CAMTA1: variants seen among roughly 807,000 people sequenced by gnomAD.
CAMTA1 encodes calmodulin-binding transcription activator 1.
CAMTA1 carries 27 observed loss-of-function variants against 170.9 expected under a neutral mutation model. The observed-to-expected ratio is 0.16, with a 90% CI of 0.12 to 0.22. CAMTA1 has a LOEUF of 0.22. Ranked by LOEUF, CAMTA1 falls within the 10% of genes least tolerant of loss-of-function variation. The pLI, the probability that CAMTA1 is intolerant of heterozygous loss-of-function variation, is 1.00. For missense variants in CAMTA1, 1,619 were observed against 2,217.2 expected (o/e 0.73, Z 5.42); for synonymous variants, 833 against 891.5 (o/e 0.93, Z 1.17).
At chr1:6,990,795 C>CTG (rs1696234161) in intron 3 of CAMTA1, among the ~76,000 whole-genome samples, 2 of 128,224 alleles carry the variant, frequency 1.6e-5, no homozygotes, top group South Asian at 4.9e-4. Flanking sequence ...GTCTCTCTCT[C>CTG]TCTCTCTCTC....
intron 6 of CAMTA1, among the ~76,000 whole-genome samples, chr1:7,615,165 G>A (rs1215112176): frequency 6.6e-6 from 1 of 152,226 alleles, no homozygotes; most frequent in Non-Finnish European, 1.5e-5. Flanking sequence ...CCATCTTAAA[G>A]GGCAAGGTCA....
intron 3 of CAMTA1, among the ~76,000 whole-genome samples, chr1:6,924,407 C>T (rs1202653400): frequency 6.6e-6 from 1 of 152,130 alleles, no homozygotes; most frequent in Non-Finnish European, 1.5e-5. Flanking sequence ...CAGCCTCCTG[C>T]AGGGTCCTGG....
intron 3 of CAMTA1, among the ~76,000 whole-genome samples, chr1:6,997,900 C>T (rs1697568078): frequency 2.0e-5 from 3 of 151,976 alleles, no homozygotes; most frequent in African/African-American, 7.3e-5. Flanking sequence ...CTCAGGTGAT[C>T]CGCCCTCCTT....
chr1:7,438,336 C>G (rs2092412861), intron 5 of CAMTA1, among the ~76,000 whole-genome samples: 1 of 152,168 alleles, frequency 6.6e-6, no homozygotes, highest in East Asian at 1.9e-4. Flanking sequence ...CCAGATACAG[C>G]TTTCTTTGGA....
chr1:6,866,916 A>G (rs1019914930), intron 3 of CAMTA1, among the ~76,000 whole-genome samples: 3 of 152,364 alleles, frequency 2.0e-5, no homozygotes, highest in South Asian at 2.1e-4. Flanking sequence ...CAAGAAGACA[A>G]GCAGCTCAGG....
chr1:7,450,088 C>T (rs2092787204), intron 5 of CAMTA1, among the ~76,000 whole-genome samples: 1 of 152,166 alleles, frequency 6.6e-6, no homozygotes, highest in Admixed American at 6.5e-5. Context: ...AGGGATGCGG[C>T]CCCCTTGGGG....
intron 22 of CAMTA1, among the ~76,000 whole-genome samples, chr1:7,764,277 C>T (rs1169282893): frequency 6.6e-6 from 1 of 151,968 alleles, no homozygotes; most frequent in African/African-American, 2.4e-5. Flanking sequence ...TCTAACTGTG[C>T]CTGTTAACAA....
intron 6 of CAMTA1, among the ~76,000 whole-genome samples, chr1:7,542,208 C>T (rs1286781251): frequency 1.3e-5 from 2 of 152,068 alleles, no homozygotes; most frequent in Non-Finnish European, 2.9e-5. Context: ...CACCTATAAT[C>T]CCATCACCCA....
chr1:7,489,763 G>T (rs2149686399), intron 6 of CAMTA1, among the ~76,000 whole-genome samples: 1 of 152,336 alleles, frequency 6.6e-6, no homozygotes, highest in South Asian at 2.1e-4. Context: ...TTCCTGTCCA[G>T]CCCTCCACAA....
chr1:7,626,606 G>C (rs915744115), intron 6 of CAMTA1, among the ~76,000 whole-genome samples: 2 of 152,210 alleles, frequency 1.3e-5, no homozygotes, highest in South Asian at 4.1e-4. Flanking sequence ...AGCGAGGGAG[G>C]TGTAATCATT....
At chr1:7,615,460 C>T (rs2095552995) in intron 6 of CAMTA1, among the ~76,000 whole-genome samples, 1 of 152,222 alleles carries the variant, frequency 6.6e-6, no homozygotes, top group Admixed American at 6.5e-5. Flanking sequence ...ATCTTCTGAA[C>T]ATCAGTTTTC....
chr1:7,205,020 G>T (rs184158396), intron 4 of CAMTA1, among the ~76,000 whole-genome samples: 3 of 151,568 alleles, frequency 2.0e-5, no homozygotes, highest in African/African-American at 7.3e-5. Flanking sequence ...TAGTAGAGAC[G>T]GGGTTTCACC....
At chr1:7,531,532 C>G (rs1162595722) in intron 6 of CAMTA1, among the ~76,000 whole-genome samples, 1 of 152,164 alleles carries the variant, frequency 6.6e-6, no homozygotes, top group African/African-American at 2.4e-5. Context: ...ACCCCAAGTC[C>G]AGGAAGGAGA....
At chr1:6,890,544 C>T (rs1193335252) in intron 3 of CAMTA1, among the ~76,000 whole-genome samples, 1 of 151,890 alleles carries the variant, frequency 6.6e-6, no homozygotes, top group Non-Finnish European at 1.5e-5. Flanking sequence ...CCCACCTTGC[C>T]CACTTAGGCT....
intron 6 of CAMTA1, among the ~76,000 whole-genome samples, chr1:7,613,347 A>G (rs2095536487): frequency 6.6e-6 from 1 of 152,110 alleles, no homozygotes; most frequent in African/African-American, 2.4e-5. Flanking sequence ...TGGACAGACA[A>G]GTAGGGAGGA....
chr1:6,885,567 G>T (rs770072809), intron 3 of CAMTA1, among the ~76,000 whole-genome samples: 7 of 152,206 alleles, frequency 4.6e-5, no homozygotes, highest in Non-Finnish European at 1.0e-4. Flanking sequence ...TCTGCAGTAG[G>T]CAAGCCTTTG....
intron 6 of CAMTA1, among the ~76,000 whole-genome samples, chr1:7,556,681 C>T (rs931061915): frequency 3.3e-5 from 5 of 152,254 alleles, no homozygotes; most frequent in Admixed American, 2.0e-4. Context: ...GTGGAATGCA[C>T]TCAATTCGTC....
Position 7,665,264 on chromosome 1 carries a change from C to A in CAMTA1, c.2652+65C>A. On this transcript the variant is annotated intron_variant, in intron 9 of 22. Transcript: ENST00000303635. The surrounding 1 kb of genome is among the most constrained non-coding windows in gnomAD (Gnocchi z 4.3). ...CCACCCACCTCGCCAGCCCCTGCGC[C>A]ACCCTGCAGCTAAGGGATGCCTGTG... 1 of 1,333,136 alleles carries A rather than the reference C, an allele frequency of 7.5e-7. No homozygotes were observed. Among genetic ancestry groups the A allele is most frequent in the Non-Finnish European group, 9.8e-7 (1 of 1,019,918 alleles). The allele number at this position is 1,333,136 out of a possible 1,614,324, so 82.6% of individuals were successfully genotyped here.
intron 11 of CAMTA1, among the ~76,000 whole-genome samples, chr1:7,704,311 CGCGGGGCTCCGGGGGCCGT>C (rs1374536290): frequency 6.9e-6 from 1 of 145,494 alleles, no homozygotes; most frequent in Admixed American, 6.8e-5. Flanking sequence ...GGGAGGCCCG[CGCGGGGCTCCGGGGGCCGT>C]CGGCCCGGGC....
Sources: gnomAD v4.1 joint callset for allele counts (sites outside exome capture counted in the v4.1 genomes callset) on GRCh38, gnomAD v4.1.1 for gene constraint, Gnocchi (gnomAD v3.1) non-coding constraint, MANE v1.5 for transcripts, NCBI Gene and HGNC (gene_info 2026-07-23, HGNC 2026-07-21) for gene names.